Variants in ZBTB11 observed in about 807,000 individuals in gnomAD.
ZBTB11 encodes zinc finger and BTB domain-containing protein 11.
In ZBTB11, 68 loss-of-function variants were observed where a neutral mutation model predicts 113.1. That is an observed-to-expected ratio of 0.60 (90% CI 0.49 to 0.74). ZBTB11 has a LOEUF of 0.74. ZBTB11 is among the 30% of genes least tolerant of loss of function. ZBTB11 has a pLI of 0.00. For synonymous variants in ZBTB11, 518 were observed against 452.6 expected, an observed-to-expected ratio of 1.14 and a Z score of -1.83; for missense variants, 1,104 against 1,279.4, an observed-to-expected ratio of 0.86 and a Z score of 2.09.
Position 101,652,518 on chromosome 3 carries a change from C to T in ZBTB11, c.2622G>A (p.Arg874=). 6.2e-7 allele frequency: 1 copy of T among 1,614,120 alleles called. No homozygotes were observed. Residue 874 remains arginine (R), a synonymous_variant, in exon 10 of 11, where the codon AGG becomes AGA. Coordinates refer to ENST00000312938, the MANE Select transcript of ZBTB11 (RefSeq NM_014415.4). ...GRKFTQLREY[R]RHMNNHEGVK... is the part of the protein sequence containing the mutation. ...TACCTTCATGGTTGTTCATGTGTCT[C>T]CTATACTCTCTTAGCTGAGTGAATT...
rs1257424008 is a variant in ZBTB11, at chr3:101,656,324, T to C, written c.2047-76A>G. 3 of 876,100 alleles carry C rather than the reference T, an allele frequency of 3.4e-6. No individual in the cohort carries two copies. The Admixed American group carries it at 9.9e-5, about 29-fold the overall frequency. 54.3% of individuals were successfully genotyped at this position (876,100 alleles called of 1,614,324 possible). Reference sequence around the variant, plus strand: ...TTCTGAACAATGAAGACAGAGAAAATGAATATATTATTTTAAATAAATATT... The same window carrying C: ...TTCTGAACAATGAAGACAGAGAAAACGAATATATTATTTTAAATAAATATT... On this transcript the variant is annotated intron_variant, in intron 6 of 10. Transcript: ENST00000312938.
intron 10 of ZBTB11, 24 bp from the exon 11 acceptor site, chr3:101,651,707 T>C (rs78127229): frequency 0.1 from 149,389 of 1,440,700 alleles, 8,301 homozygotes; most frequent in Middle Eastern, 0.13. Flanking sequence ...AAAAAAAGCA[T>C]GTGTAGTGAG....
chr3:101,662,918 C>T (rs968764523), intron 5 of ZBTB11, among the ~76,000 whole-genome samples: 1 of 151,806 alleles, frequency 6.6e-6, no homozygotes, highest in East Asian at 1.9e-4. Flanking sequence ...TGTGTGCCAC[C>T]ATGCCCAGAT....
chr3:101,671,419 C>T, intron 2 of ZBTB11, 58 bp from the exon 3 acceptor site: 2 of 1,335,052 alleles, frequency 1.5e-6, no homozygotes, highest in Non-Finnish European at 2.1e-6. Flanking sequence ...TTACCCTTAA[C>T]AAGCTTTAAA....
chr3:101,669,129 A>T (rs920789493), intron 3 of ZBTB11, among the ~76,000 whole-genome samples: 7 of 151,932 alleles, frequency 4.6e-5, no homozygotes, highest in African/African-American at 1.7e-4. Flanking sequence ...GCCTCCTGGG[A>T]TCAAGTGATC....
At chr3:101,674,451 CCG>C (rs1322806867) in intron 1 of ZBTB11, among the ~76,000 whole-genome samples, 1 of 151,986 alleles carries the variant, frequency 6.6e-6, no homozygotes, top group Non-Finnish European at 1.5e-5. Flanking sequence ...TGGCTTACAC[CCG>C]TAATCCCAGC....
rs1054519351 is a variant in ZBTB11, at chr3:101,651,396, T to C, written c.2932A>G (p.Ser978Gly). Residue 978 changes from serine (S) to glycine (G), a missense_variant, in exon 11 of 11, where the codon AGT becomes GGT. By Grantham distance (56) the Ser-to-Gly change is moderately conservative (BLOSUM62 0). This residue lies in a region of ZBTB11 where 90 missense variants were observed against 98.0 expected (regional missense o/e 0.92). Transcript: ENST00000312938. Reference protein sequence around the residue: ...LTAGMQEQESSGPQELETVVV... With the variant: ...LTAGMQEQESGGPQELETVVV... ...ACAGTCTCAAGTTCTTGAGGACCAC[T>C]GCTTTCTTGTTCCTGCATGCCTGCT... is the stretch of plus-strand genomic sequence containing the variant. The C allele has an allele frequency of 6.2e-7, 1 of 1,614,122 alleles. No homozygotes were observed. The highest frequency in any genetic ancestry group is 8.5e-7 in the Non-Finnish European group (1 of 1,179,970).
rs751720542 is a variant in ZBTB11 at position 101,665,388 on chromosome 3, C to T, written c.1199G>A (p.Gly400Glu). ...SEAESALSSV[G>E]CIADSHPEME... ...TTCAGGATGGGAATCAGCTATACAT[C>T]CTACTGATGACAGGGCAGATTCAGC... is the stretch of plus-strand genomic sequence containing the variant. Residue 400 changes from glycine to glutamate, a missense_variant, in exon 4 of 11, where the codon GGA (glycine) becomes GAA (glutamate). Around this residue, in one of 5 missense-constraint regions of ZBTB11, gnomAD observed 535 missense variants for 518.6 expected, o/e 1.03. Coordinates refer to ENST00000312938, the MANE Select transcript of ZBTB11 (RefSeq NM_014415.4). The T allele has an allele frequency of 3.2e-5, 52 of 1,614,050 alleles. 1 individual carries two copies. The South Asian group carries it at 5.5e-4, about 17-fold the overall frequency.
intron 6 of ZBTB11, among the ~76,000 whole-genome samples, chr3:101,656,471 T>C (rs765872815): frequency 1.3e-5 from 2 of 152,188 alleles, no homozygotes; most frequent in Non-Finnish European, 2.9e-5. Flanking sequence ...ATCCATGTGA[T>C]CACCAGAGAT....
intron 1 of ZBTB11, 136 bp downstream of exon 1, chr3:101,676,469 G>C (rs1467907558): frequency 1.1e-6 from 1 of 920,032 alleles, no homozygotes; most frequent in Non-Finnish European, 1.5e-6. Flanking sequence ...CACCCTCTCG[G>C]CTCCGCCTGG....
At chr3:101,669,332 A>T (rs544644679) in intron 3 of ZBTB11, among the ~76,000 whole-genome samples, 14 of 152,354 alleles carry the variant, frequency 9.2e-5, no homozygotes, top group Non-Finnish European at 1.9e-4. Context: ...AGCCTTATCT[A>T]CTTAATATTT....
Position 101,665,295 on chromosome 3 carries a change from T to C in ZBTB11, c.1292A>G (p.Asn431Ser). The change falls in exon 4 of 11, where the codon AAT becomes AGT. Residue 431 changes from asparagine (N) to serine (S), a missense_variant. By Grantham distance (46) the Asn-to-Ser change is conservative (BLOSUM62 1). Around this residue, in one of 5 missense-constraint regions of ZBTB11, gnomAD observed 535 missense variants for 518.6 expected, o/e 1.03. Coordinates refer to ENST00000312938, the MANE Select transcript of ZBTB11 (RefSeq NM_014415.4). Reference protein sequence around the residue: ...TELETSNNRENNTVSNIHPKL... With the variant: ...TELETSNNRESNTVSNIHPKL... ...AGGGTGTATATTAGAAACTGTGTTA[T>C]TTTCTCTGTTGTTTGAAGTTTCTAG... The C allele has an allele frequency of 2.5e-6, 4 of 1,614,248 alleles. No homozygotes were observed. Among genetic ancestry groups the C allele is most frequent in the Non-Finnish European group, 3.4e-6 (4 of 1,180,034 alleles).
intron 3 of ZBTB11, among the ~76,000 whole-genome samples, chr3:101,670,167 G>GA (rs1296461115): frequency 6.6e-6 from 1 of 152,052 alleles, no homozygotes; most frequent in Non-Finnish European, 1.5e-5. Flanking sequence ...CACTGCTAAG[G>GA]AAAAATGTAT....
intron 5 of ZBTB11, among the ~76,000 whole-genome samples, chr3:101,663,650 G>T (rs186495842): frequency 4.5e-4 from 69 of 152,256 alleles, no homozygotes; most frequent in African/African-American, 1.6e-3. Context: ...CATACCTTGG[G>T]GAGGCAGAGA....
At chr3:101,660,702 T>A (rs962596279) in intron 5 of ZBTB11, among the ~76,000 whole-genome samples, 1 of 152,204 alleles carries the variant, frequency 6.6e-6, no homozygotes, top group African/African-American at 2.4e-5. Context: ...ATGATTTCCA[T>A]TACCCCTCTT....
intron 3 of ZBTB11, among the ~76,000 whole-genome samples, chr3:101,666,543 T>A (rs1383811419): frequency 6.6e-6 from 1 of 152,208 alleles, no homozygotes; most frequent in African/African-American, 2.4e-5. Flanking sequence ...AGGTATTACA[T>A]TCTTCTGCGG....
At chr3:101,656,824 C>T (rs1936805909) in intron 6 of ZBTB11, among the ~76,000 whole-genome samples, 1 of 151,854 alleles carries the variant, frequency 6.6e-6, no homozygotes, top group African/African-American at 2.4e-5. Flanking sequence ...GACCAGAGGC[C>T]CAACTAATAC....
intron 4 of ZBTB11, 49 bp downstream of exon 4, chr3:101,664,915 T>G: frequency 6.4e-7 from 1 of 1,558,636 alleles, no homozygotes; most frequent in Non-Finnish European, 8.7e-7. Flanking sequence ...AATACAATGC[T>G]TTCAACCTAA....
intron 1 of ZBTB11, among the ~76,000 whole-genome samples, chr3:101,673,082 T>C (rs1293763639): frequency 2.6e-5 from 4 of 152,236 alleles, no homozygotes; most frequent in Non-Finnish European, 5.9e-5. Flanking sequence ...ATACACAATC[T>C]AACAAAAGTT....
Sources: allele counts gnomAD v4.1 joint callset (sites outside exome capture counted in the v4.1 genomes callset), GRCh38; gene constraint gnomAD v4.1.1; regional missense constraint gnomAD v4.1.1; transcripts MANE v1.5; gene names NCBI Gene and HGNC (gene_info 2026-07-23, HGNC 2026-07-21).